Variants in TF observed in about 807,000 individuals in gnomAD.
TF encodes the protein transferrin, also known as serotransferrin.
Under a neutral mutation model 82.4 loss-of-function variants are expected in TF, and 55 were observed. That is an observed-to-expected ratio of 0.67 (90% confidence interval 0.54 to 0.84). The LOEUF is 0.84. Among genes scored for constraint, TF ranks in the 40% least tolerant of loss-of-function variants. TF has a pLI of 0.00. For missense variants in TF, 737 were observed against 868.4 expected (o/e 0.85, Z 1.90); for synonymous variants, 332 against 332.6 (o/e 1.00, Z 0.02).
chr3:133,709,053 C>T, the TF span, among the ~76,000 whole-genome samples: 1 of 152,180 alleles, frequency 6.6e-6, no homozygotes, highest in South Asian at 2.1e-4. Context: ...CAAGACACAT[C>T]CTGTAGCTGT....
the TF span, among the ~76,000 whole-genome samples, chr3:133,677,000 G>A: frequency 6.6e-6 from 1 of 152,172 alleles, no homozygotes; most frequent in African/African-American, 2.4e-5. Context: ...AACTATTCTG[G>A]TGGCAAATGA....
the TF span, among the ~76,000 whole-genome samples, chr3:133,736,008 A>C: frequency 6.6e-6 from 1 of 152,224 alleles, no homozygotes; most frequent in Non-Finnish European, 1.5e-5. Flanking sequence ...TAATCGTCAG[A>C]TTCACCAAGA....
intron 2 of TF, 125 bp from the exon 3 acceptor site, chr3:133,753,470 G>A (rs1463812661): frequency 1.4e-5 from 11 of 780,826 alleles, no homozygotes; most frequent in East Asian, 1.0e-4. Flanking sequence ...AGGGCTGTGC[G>A]TGGTCTAGTC....
At chr3:133,719,074 T>G in the TF span, among the ~76,000 whole-genome samples, 1 of 152,196 alleles carries the variant, frequency 6.6e-6, no homozygotes, top group Non-Finnish European at 1.5e-5. Flanking sequence ...GTGCTCAGCA[T>G]TCTTAAAAAG....
intron 5 of TF, chr3:133,755,771 G>C (rs1576358445): frequency 1.9e-6 from 1 of 519,754 alleles, no homozygotes; most frequent in South Asian, 2.0e-5. Flanking sequence ...TCGGTGGATC[G>C]GGCAGAGCCT....
chr3:133,745,577 G>C (rs1009025368), upstream of TF, among the ~76,000 whole-genome samples: 1 of 152,216 alleles, frequency 6.6e-6, no homozygotes, highest in Non-Finnish European at 1.5e-5. Context: ...TCATCGACTA[G>C]AGGGGGACAT....
chr3:133,762,132 G>A (rs1339582458), intron 9 of TF: 2 of 215,936 alleles, frequency 9.3e-6, no homozygotes, highest in Non-Finnish European at 2.0e-5. Context: ...TCATAAAAAG[G>A]ACCTTGTAAA....
the TF span, among the ~76,000 whole-genome samples, chr3:133,678,920 T>C: frequency 6.6e-6 from 1 of 152,146 alleles, no homozygotes; most frequent in Non-Finnish European, 1.5e-5. Context: ...TTACCCAGGC[T>C]GGAGTGCAGT....
the TF span, among the ~76,000 whole-genome samples, chr3:133,671,447 G>C: frequency 1.3e-5 from 2 of 152,052 alleles, no homozygotes; most frequent in East Asian, 3.9e-4. Flanking sequence ...ATAGAGAAGA[G>C]AGGCTGAAAA....
the TF span, among the ~76,000 whole-genome samples, chr3:133,737,179 C>T: frequency 6.6e-6 from 1 of 152,204 alleles, no homozygotes; most frequent in Non-Finnish European, 1.5e-5. Context: ...AACTGCACAA[C>T]TACATGGAAA....
the TF span, among the ~76,000 whole-genome samples, chr3:133,734,957 T>C: frequency 3.3e-5 from 5 of 152,144 alleles, no homozygotes; most frequent in Admixed American, 3.3e-4. Flanking sequence ...GTGAAAGAGA[T>C]TTAAGAGTTA....
chr3:133,731,856 A>G, the TF span, among the ~76,000 whole-genome samples: 1 of 152,196 alleles, frequency 6.6e-6, no homozygotes, highest in Non-Finnish European at 1.5e-5. Context: ...CTCCAATCCC[A>G]TGCCCATTTT....
At chr3:133,715,179 C>T in the TF span, among the ~76,000 whole-genome samples, 4 of 152,130 alleles carry the variant, frequency 2.6e-5, no homozygotes, top group Admixed American at 2.0e-4. Flanking sequence ...ATCTCTAGTC[C>T]TCCCACTACC....
At chr3:133,770,603 A>T (rs1426424730) in intron 14 of TF, 31 bp downstream of exon 14, 2 of 1,610,094 alleles carry the variant, frequency 1.2e-6, no homozygotes, top group South Asian at 1.1e-5. Flanking sequence ...GTCCCCCTAG[A>T]TCACTAGATC....
At chr3:133,774,192 T>C (rs982399952) in intron 14 of TF, 3 of 152,204 alleles carry the variant, frequency 2.0e-5, no homozygotes, top group Non-Finnish European at 4.4e-5. Flanking sequence ...GAGAACATAG[T>C]ATCATAGATA....
the TF span, among the ~76,000 whole-genome samples, chr3:133,740,318 C>G: frequency 6.6e-6 from 1 of 152,106 alleles, no homozygotes. Flanking sequence ...GAACATCACA[C>G]ACTGGGGCCT....
chr3:133,681,956 G>A, the TF span, among the ~76,000 whole-genome samples: 1 of 152,160 alleles, frequency 6.6e-6, no homozygotes, highest in Non-Finnish European at 1.5e-5. Context: ...CTCCCAGTAG[G>A]GGCTGACTGA....
intron 9 of TF, among the ~76,000 whole-genome samples, chr3:133,762,521 C>T (rs1934022560): frequency 6.6e-6 from 1 of 152,064 alleles, no homozygotes; most frequent in African/African-American, 2.4e-5. Flanking sequence ...TGTTGTTAAT[C>T]TCTTACTGTG....
At chr3:133,691,360 A>C in the TF span, among the ~76,000 whole-genome samples, 6 of 152,184 alleles carry the variant, frequency 3.9e-5, no homozygotes, top group African/African-American at 1.4e-4. Flanking sequence ...TTGAACACCT[A>C]CCTGTGCTAG....
Sources: gnomAD v4.1 joint callset for allele counts (sites outside exome capture counted in the v4.1 genomes callset) on GRCh38, gnomAD v4.1.1 for gene constraint, MANE v1.5 for transcripts, NCBI Gene and HGNC (gene_info 2026-07-23, HGNC 2026-07-21) for gene names.